MED28: variants seen among roughly 807,000 people sequenced by gnomAD.
MED28 encodes the protein mediator complex subunit 28.
In MED28, 26 loss-of-function variants were observed where a neutral mutation model predicts 21.3. The observed-to-expected ratio is 1.22, with a 90% CI of 0.89 to 1.69. MED28 has a LOEUF of 1.69. Ranked by LOEUF, MED28 falls within the 40% of genes most tolerant of loss-of-function variation. The probability of loss-of-function intolerance (pLI) is 0.00; values close to 1 mark genes in which losing one functional copy is unlikely to be tolerated. For synonymous variants in MED28, 110 were observed against 87.6 expected, an observed-to-expected ratio of 1.26 and a Z score of -1.43; for missense variants, 257 against 215.4, an observed-to-expected ratio of 1.19 and a Z score of -1.21.
At chr4:17,620,243 A>G (rs1273600735) in intron 2 of MED28, among the ~76,000 whole-genome samples, 1 of 151,720 alleles carries the variant, frequency 6.6e-6, no homozygotes, top group East Asian at 1.9e-4. Flanking sequence ...AAATTTTATT[A>G]TTTTTGGAAT....
At position 17,623,699 on chromosome 4, in the gene MED28, C is replaced by A; in HGVS notation, c.438C>A (p.Ile146=). ...ATTGGCAGCAGGTGCTGGAGGACAT[C>A]AACGTGCAGCACAAAAAGCCCGCCG... ...LRHWQQVLED[I]NVQHKKPADI... The change falls in exon 4 of 4, where the codon ATC becomes ATA. Residue 146 remains isoleucine, a synonymous_variant. Transcript: ENST00000237380. 1 of 1,614,202 alleles carries A rather than the reference C, an allele frequency of 6.2e-7. No homozygotes were observed. Among genetic ancestry groups the A allele is most frequent in the African/African-American group, 1.3e-5 (1 of 75,054 alleles).
rs1311228323 is a variant in MED28 at position 17,624,900 on chromosome 4, GCT to G, written c.*1106_*1107del. ...TGCTGTTAAGAAATGGAGATTTCTG[GCT>G]CTCATTGGGTAAGGTTTTCTGAGTT... On this transcript the variant is annotated 3_prime_UTR_variant, in exon 4 of 4. Transcript: ENST00000237380. The G allele has an allele frequency of 3.9e-5, 6 of 152,124 alleles. No individual in the cohort carries two copies. The highest frequency in any genetic ancestry group is 3.9e-4 in the Admixed American group (6 of 15,262). 9.4% of individuals were successfully genotyped at this position (152,124 alleles called of 1,614,324 possible).
rs1410894997 is a variant in MED28, at chr4:17,628,280, G to GTGTGTGTGTGTGTGTGTGTGTGTGTA, written c.*4493_*4494insGTGTGTGTGTGTGTATGTGTGTGTGT. ...CGTGTGTGTGTGTGTGTGTGTGTGT[G>GTGTGTGTGTGTGTGTGTGTGTGTGTA]TGTGTGTGTGTATGTGTATATGCGT... On this transcript the variant is annotated 3_prime_UTR_variant, in exon 4 of 4. Transcript: ENST00000237380. 1.1e-4 allele frequency: 16 copies of GTGTGTGTGTGTGTGTGTGTGTGTGTA among 151,444 alleles called. No homozygotes were observed. The highest frequency in any genetic ancestry group is 3.7e-4 in the African/African-American group (15 of 40,788). The allele number at this position is 151,444 out of a possible 1,614,324, so 9.4% of individuals were successfully genotyped here.
chr4:17,616,726 C>CTGTTTTG, intron 1 of MED28, among the ~76,000 whole-genome samples: 1 of 152,200 alleles, frequency 6.6e-6, no homozygotes, highest in East Asian at 1.9e-4. Flanking sequence ...AAGTCAGAGA[C>CTGTTTTG]TACCTGTTTT....
intron 1 of MED28, 123 bp from the exon 2 acceptor site, chr4:17,619,778 C>G (rs1714564094): frequency 1.3e-6 from 1 of 768,676 alleles, no homozygotes; most frequent in East Asian, 2.7e-5. Context: ...CTTGCCATCT[C>G]ATATGCAAAC....
Position 17,614,765 on chromosome 4 carries a change from TAGACCTTCC to T in MED28, c.114_122del (p.Arg38_Ser40del), listed in dbSNP as rs746710104. On this transcript the variant is annotated inframe_deletion, in exon 1 of 4. Coordinates refer to ENST00000237380, the MANE Select transcript of MED28 (RefSeq NM_025205.5). Reference sequence around the variant, plus strand: ...TTCTTCAGGCAGCTCCAGGCGCTCCTAGACCTTCCAGCAGTACTTTGGTGGACGAGTTGG... The same window carrying T: ...TTCTTCAGGCAGCTCCAGGCGCTCCTAGCAGTACTTTGGTGGACGAGTTGG... 3 of 1,614,080 alleles carry T rather than the reference TAGACCTTCC, an allele frequency of 1.9e-6. No homozygotes were observed. The African/African-American group carries it at 4.0e-5, about 22-fold the overall frequency.
rs1467237946 is a variant in MED28, at chr4:17,628,304, GTATATATGTGTATGTATGTGTGTATA to G, written c.*4518_*4543del. Reference sequence around the variant, plus strand: ...TGTGTGTGTGTGTATGTGTATATGCGTATATATGTGTATGTATGTGTGTATATATATATGTGTGTGTGTATATATAT... The same window carrying G: ...TGTGTGTGTGTGTATGTGTATATGCGTATATATGTGTGTGTGTATATATAT... On this transcript the variant is annotated 3_prime_UTR_variant, in exon 4 of 4. Transcript: ENST00000237380. 2 of 147,002 alleles carry G rather than the reference GTATATATGTGTATGTATGTGTGTATA, an allele frequency of 1.4e-5. No individual in the cohort carries two copies. Among genetic ancestry groups the G allele is most frequent in the African/African-American group, 5.0e-5 (2 of 39,794 alleles). The allele number at this position is 147,002 out of a possible 1,614,324, so 9.1% of individuals were successfully genotyped here. A position where few individuals can be genotyped will look rare whatever the true frequency, so the allele number is the denominator to read the frequency against.
At chr4:17,622,774 T>C (rs1714671185) in intron 3 of MED28, among the ~76,000 whole-genome samples, 1 of 152,176 alleles carries the variant, frequency 6.6e-6, no homozygotes, top group Admixed American at 6.5e-5. Flanking sequence ...GACTTACAGT[T>C]CCATGTGGCT....
chr4:17,616,367 A>G (rs1262603722), intron 1 of MED28, among the ~76,000 whole-genome samples: 2 of 152,204 alleles, frequency 1.3e-5, no homozygotes, highest in East Asian at 1.9e-4. Flanking sequence ...AGCATCTAGC[A>G]TTGTGCTTGA....
chr4:17,621,574 C>CTT lies in MED28; in HGVS notation c.227-5_227-4dup. 1.4e-5 allele frequency: 19 copies of CTT among 1,397,546 alleles called. No homozygotes were observed. The highest frequency in any genetic ancestry group is 7.2e-5 in the Admixed American group (3 of 41,934). 86.6% of individuals were successfully genotyped at this position (1,397,546 alleles called of 1,614,324 possible). On this transcript the variant is annotated splice_polypyrimidine_tract_variant and intron_variant, in intron 2 of 3. Transcript: ENST00000237380. ...TTTTCTTATTTTAATAATTTTGTTCCTTTTTTTTTAAGGTGTTGATCAGTG... is the reference window on the plus strand; with the variant it reads ...TTTTCTTATTTTAATAATTTTGTTCCTTTTTTTTTTTAAGGTGTTGATCAGTG...
rs1014353681 is a variant in MED28 at position 17,630,929 on chromosome 4, C to T, written c.*7131C>T. The T allele has an allele frequency of 1.1e-4, 16 of 152,148 alleles. No individual in the cohort carries two copies. The highest frequency in any genetic ancestry group is 1.6e-4 in the Non-Finnish European group (11 of 68,014). The allele number at this position is 152,148 out of a possible 1,614,324, so 9.4% of individuals were successfully genotyped here. ...GTTATTCAAAGTTTTATTCAAAGAG[C>T]AAAGATTTGACAATGCATAGAATTA... is the stretch of plus-strand genomic sequence containing the variant. On this transcript the variant is annotated 3_prime_UTR_variant, in exon 4 of 4. Coordinates refer to ENST00000237380, the MANE Select transcript of MED28 (RefSeq NM_025205.5).
At position 17,615,009 on chromosome 4, in the gene MED28, C is replaced by CT. The variant is rs1334173062; in HGVS notation, c.159+197dup. On this transcript the variant is annotated intron_variant, in intron 1 of 3. Coordinates refer to ENST00000237380, the MANE Select transcript of MED28 (RefSeq NM_025205.5). ...AGGTCTGCTGGCGGGGGCGCGTAAA[C>CT]TCGACGTTTGTGGAAACGTGAACCC... 1.2e-4 allele frequency among the ~76,000 whole-genome samples: 18 copies of CT among 152,324 alleles called. No individual in the cohort carries two copies. The East Asian group carries it at 3.1e-3, about 26-fold the overall frequency.
rs956344369 is a variant in MED28 at position 17,631,799 on chromosome 4, A to G, written c.*8001A>G. The G allele has an allele frequency of 6.6e-6, 1 of 152,020 alleles. No homozygotes were observed. The highest frequency in any genetic ancestry group is 2.4e-5 in the African/African-American group (1 of 41,358). The allele number at this position is 152,020 out of a possible 1,614,324, so 9.4% of individuals were successfully genotyped here. A position where few individuals can be genotyped will look rare whatever the true frequency, so the allele number is the denominator to read the frequency against. On this transcript the variant is annotated 3_prime_UTR_variant, in exon 4 of 4. Transcript: ENST00000237380. ...CTGTTTAACTGTTATTTGTCTTCCT[A>G]TTGAGGTTAGATGTGCATTTTGGAA...
chr4:17,624,911 G>T lies in MED28; in HGVS notation c.*1113G>T, dbSNP rs1304864606. The T allele has an allele frequency of 1.3e-5, 2 of 152,126 alleles. No individual in the cohort carries two copies. The highest frequency in any genetic ancestry group is 2.9e-5 in the Non-Finnish European group (2 of 68,038). The allele number at this position is 152,126 out of a possible 1,614,324, so 9.4% of individuals were successfully genotyped here. ...AATGGAGATTTCTGGCTCTCATTGG[G>T]TAAGGTTTTCTGAGTTTTATATCTT... On this transcript the variant is annotated 3_prime_UTR_variant, in exon 4 of 4. Transcript: ENST00000237380.
rs139145192 is a variant in MED28, at chr4:17,623,721, G to T, written c.460G>T (p.Ala154Ser). ...EDINVQHKKP[A>S]DIPQGSLAYL... The stretch of plus-strand genomic sequence containing the variant: ...CATCAACGTGCAGCACAAAAAGCCC[G>T]CCGACATCCCTCAGGGCTCCTTGGC... Residue 154 changes from alanine to serine, a missense_variant, in exon 4 of 4, where the codon GCC becomes TCC. Transcript: ENST00000237380. The T allele has an allele frequency of 2.5e-6, 4 of 1,614,070 alleles. No individual in the cohort carries two copies. The highest frequency in any genetic ancestry group is 3.4e-6 in the Non-Finnish European group (4 of 1,180,034).
At position 17,633,129 on chromosome 4, in the gene MED28, C is replaced by G. The variant is rs982052346; in HGVS notation, c.*9331C>G. On this transcript the variant is annotated 3_prime_UTR_variant, in exon 4 of 4. Coordinates refer to ENST00000237380, the MANE Select transcript of MED28 (RefSeq NM_025205.5). The stretch of plus-strand genomic sequence containing the variant: ...GTAGAGATGGGTTTCACCATGTTGC[C>G]CAGGCTGGTCTCGAACTCCTGACCT... The G allele has an allele frequency of 6.5e-6, 1 of 154,792 alleles. No homozygotes were observed. Among genetic ancestry groups the G allele is most frequent in the Non-Finnish European group, 1.4e-5 (1 of 69,860 alleles). The allele number at this position is 154,792 out of a possible 1,614,324, so 9.6% of individuals were successfully genotyped here.
rs74627932 is a variant in MED28, at chr4:17,633,938, T to C, written c.*10140T>C. 3.7e-5 allele frequency: 9 copies of C among 241,038 alleles called. No individual in the cohort carries two copies. The highest frequency in any genetic ancestry group is 5.8e-4 in the Admixed American group (2 of 3,424). The allele number at this position is 241,038 out of a possible 1,614,324, so 14.9% of individuals were successfully genotyped here. A position where few individuals can be genotyped will look rare whatever the true frequency, so the allele number is the denominator to read the frequency against. On this transcript the variant is annotated 3_prime_UTR_variant, in exon 4 of 4. Transcript: ENST00000237380. ...GTGCAATGCAATGCAAAAAACAAAATAAAGCATTATTGTAAAAGCAAATAA... is the reference window on the plus strand; with the variant it reads ...GTGCAATGCAATGCAAAAAACAAAACAAAGCATTATTGTAAAAGCAAATAA...
rs1157277983 is a variant in MED28, at chr4:17,621,568, T to A, written c.227-19T>A. The A allele has an allele frequency of 6.8e-7, 1 of 1,474,182 alleles. No individual in the cohort carries two copies. The highest frequency in any genetic ancestry group is 9.2e-7 in the Non-Finnish European group (1 of 1,087,324). The allele number at this position is 1,474,182 out of a possible 1,614,324, so 91.3% of individuals were successfully genotyped here. On this transcript the variant is annotated intron_variant, in intron 2 of 3. Coordinates refer to ENST00000237380, the MANE Select transcript of MED28 (RefSeq NM_025205.5). ...TGTTGTTTTTCTTATTTTAATAATT[T>A]TGTTCCTTTTTTTTTAAGGTGTTGA...
intron 1 of MED28, among the ~76,000 whole-genome samples, chr4:17,618,372 G>T (rs1560156907): frequency 6.6e-6 from 1 of 152,076 alleles, no homozygotes; most frequent in Non-Finnish European, 1.5e-5. Flanking sequence ...CTGCCACCCT[G>T]TCTGGTAGGC....
Sources: gnomAD v4.1 joint callset for allele counts (sites outside exome capture counted in the v4.1 genomes callset) on GRCh38, gnomAD v4.1.1 for gene constraint, MANE v1.5 for transcripts, NCBI Gene and HGNC (gene_info 2026-07-23, HGNC 2026-07-21) for gene names.